The following AKAP8L variants were observed in gnomAD, a reference collection of about 807,000 sequenced individuals.
The protein encoded by AKAP8L is A-kinase anchoring protein 8 like.
In AKAP8L, 34 loss-of-function variants were observed where a neutral mutation model predicts 77.5. That is an observed-to-expected ratio of 0.44 (90% confidence interval 0.33 to 0.58). The LOEUF (loss-of-function observed/expected upper bound fraction) is 0.58, where lower values mean the gene tolerates loss of function less well. Ranked by LOEUF, AKAP8L falls within the 20% of genes least tolerant of loss-of-function variation. The probability of loss-of-function intolerance (pLI) is 0.02; values close to 1 mark genes in which losing one functional copy is unlikely to be tolerated. For synonymous variants in AKAP8L, 342 were observed against 340.7 expected (o/e 1.00, Z -0.04); for missense variants, 806 against 887.6 (o/e 0.91, Z 1.17).
chr19:15,397,635 A>G lies in AKAP8L; in HGVS notation c.1300-10T>C. 6.2e-7 allele frequency: 1 copy of G among 1,613,872 alleles called. No individual in the cohort carries two copies. Among genetic ancestry groups the G allele is most frequent in the Non-Finnish European group, 8.5e-7 (1 of 1,179,822 alleles). ...TGTTAGTGACGTACTCCTGCAAGGA[A>G]TATAAAGGTTCATGTGGGCCGCCTT... On this transcript the variant is annotated splice_polypyrimidine_tract_variant and intron_variant, in intron 10 of 13. Coordinates refer to ENST00000397410, the MANE Select transcript of AKAP8L (RefSeq NM_014371.4). This position sits in a 1 kb window ranked among gnomAD's most constrained non-coding sequence, Gnocchi z 4.7.
intron 2 of AKAP8L, among the ~76,000 whole-genome samples, chr19:15,409,101 T>C (rs573023606): frequency 3.3e-5 from 5 of 152,218 alleles, no homozygotes; most frequent in African/African-American, 9.6e-5. Flanking sequence ...ATTTCTTAGA[T>C]ATAAAAGCAA....
At position 15,399,472 on chromosome 19, in the gene AKAP8L, G is replaced by T; in HGVS notation, c.1049-62C>A. On this transcript the variant is annotated intron_variant, in intron 8 of 13. Coordinates refer to ENST00000397410, the MANE Select transcript of AKAP8L (RefSeq NM_014371.4). The surrounding 1 kb of genome is among the most constrained non-coding windows in gnomAD (Gnocchi z 6.1). ...CTGCCAGGACAGGGCAGGCCCTGCG[G>T]CCTCTGGCTGAATCACCCACTGTCC... is the stretch of plus-strand genomic sequence containing the variant. 7.9e-7 allele frequency: 1 copy of T among 1,267,720 alleles called. No homozygotes were observed. 78.5% of individuals were successfully genotyped at this position (1,267,720 alleles called of 1,614,324 possible).
intron 1 of AKAP8L, among the ~76,000 whole-genome samples, chr19:15,413,505 A>G (rs1036073288): frequency 3.9e-5 from 6 of 152,162 alleles, no homozygotes; most frequent in Non-Finnish European, 5.9e-5. Flanking sequence ...CCAGTCTTCT[A>G]CCTTCCCTAA....
In AKAP8L at chr19:15,401,248, C is replaced by G; in HGVS notation, c.718G>C (p.Gly240Arg). 6.2e-7 allele frequency: 1 copy of G among 1,613,768 alleles called. No individual in the cohort carries two copies. The highest frequency in any genetic ancestry group is 8.5e-7 in the Non-Finnish European group (1 of 1,179,806). Residue 240 changes from glycine to arginine, a missense_variant, in exon 5 of 14, where the codon GGC (glycine) becomes CGC (arginine). Coordinates refer to ENST00000397410, the MANE Select transcript of AKAP8L (RefSeq NM_014371.4). The surrounding 1 kb of genome is among the most constrained non-coding windows in gnomAD (Gnocchi z 6.2). ...AAGCGGGAGCCGCCCGGGAAGGCGCCCCCACCTCGCATGCCCTGGAACATG... is the reference window on the plus strand; with the variant it reads ...AAGCGGGAGCCGCCCGGGAAGGCGCGCCCACCTCGCATGCCCTGGAACATG... ...YGMFQGMRGG[G>R]AFPGGSRFGF...
At chr19:15,389,749 C>T (rs1967621200) in intron 12 of AKAP8L, among the ~76,000 whole-genome samples, 1 of 152,126 alleles carries the variant, frequency 6.6e-6, no homozygotes, top group Admixed American at 6.5e-5. Context: ...CCAGCCTGGC[C>T]ACAGACCAAG....
chr19:15,397,365 T>C lies in AKAP8L; in HGVS notation c.1406-85A>G. The C allele has an allele frequency of 6.5e-7, 1 of 1,543,588 alleles. No homozygotes were observed. Among genetic ancestry groups the C allele is most frequent in the Non-Finnish European group, 8.8e-7 (1 of 1,134,564 alleles). ...TCGAGAAAAAAACCACACCAGCTCC[T>C]CCTCAACTCGCCCTGCCACTTCCAC... is the stretch of plus-strand genomic sequence containing the variant. On this transcript the variant is annotated intron_variant, in intron 11 of 13. Coordinates refer to ENST00000397410, the MANE Select transcript of AKAP8L (RefSeq NM_014371.4). This position sits in a 1 kb window ranked among gnomAD's most constrained non-coding sequence, Gnocchi z 4.7.
At chr19:15,408,424 G>A (rs1163782668) in intron 2 of AKAP8L, among the ~76,000 whole-genome samples, 2 of 152,000 alleles carry the variant, frequency 1.3e-5, no homozygotes, top group African/African-American at 2.4e-5. Context: ...TTAGCCAGGC[G>A]TGGTGGCACA....
chr19:15,413,911 C>T (rs866576050), intron 1 of AKAP8L, among the ~76,000 whole-genome samples: 2 of 152,180 alleles, frequency 1.3e-5, no homozygotes, highest in Non-Finnish European at 2.9e-5. Flanking sequence ...GAAGGAAAGA[C>T]GATCCATCAA....
intron 8 of AKAP8L, 90 bp downstream of exon 8, chr19:15,400,205 G>T: frequency 7.2e-7 from 1 of 1,394,428 alleles, no homozygotes; most frequent in Non-Finnish European, 1.0e-6. Flanking sequence ...CTGGCCGCAT[G>T]TCTGCCGCAA....
chr19:15,400,290 C>CTG lies in AKAP8L; in HGVS notation c.1048+4_1048+5insCA. ...CCTAGCACCAGGCACCCCAGGAAAA[C>CTG]TCACCCTTCTCTGGATCCTCTTTGC... On this transcript the variant is annotated splice_donor_region_variant and intron_variant, in intron 8 of 13. Transcript: ENST00000397410. 6.3e-7 allele frequency: 1 copy of CTG among 1,593,138 alleles called. No individual in the cohort carries two copies.
At chr19:15,412,283 G>A (rs1051511050) in intron 1 of AKAP8L, among the ~76,000 whole-genome samples, 6 of 152,218 alleles carry the variant, frequency 3.9e-5, no homozygotes, top group African/African-American at 1.4e-4. Context: ...TTGGGAGGGT[G>A]AGGCAGAAGA....
intron 12 of AKAP8L, among the ~76,000 whole-genome samples, chr19:15,393,117 T>G (rs1169943926): frequency 1.3e-5 from 2 of 152,002 alleles, no homozygotes; most frequent in Non-Finnish European, 2.9e-5. Flanking sequence ...TTTCAAATGG[T>G]GCCGGAACAA....
At position 15,397,492 on chromosome 19, in the gene AKAP8L, GGTGGGA is replaced by G. The variant is rs754382764; in HGVS notation, c.1405+22_1405+27del. 8.2e-6 allele frequency: 13 copies of G among 1,589,958 alleles called. No homozygotes were observed. The African/African-American group carries it at 1.7e-4, about 21-fold the overall frequency. Reference sequence around the variant, plus strand: ...AGGAGTGCAGGCTGAGGCCTTGCCTGGTGGGAGTGGGCTGAAAATCTCCTCACCCTG... The same window carrying G: ...AGGAGTGCAGGCTGAGGCCTTGCCTGGTGGGCTGAAAATCTCCTCACCCTG... On this transcript the variant is annotated intron_variant, in intron 11 of 13. Transcript: ENST00000397410. This position sits in a 1 kb window ranked among gnomAD's most constrained non-coding sequence, Gnocchi z 4.7.
rs144454522 is a variant in AKAP8L at position 15,413,412 on chromosome 19, C to A, written c.14-2818G>T. On this transcript the variant is annotated intron_variant, in intron 1 of 13. Transcript: ENST00000397410. ...CATCTAGCTCCAAGGGTTCCAAAGACGGAGCTGTGAACCCAGCTTCATCTT... is the reference window on the plus strand; with the variant it reads ...CATCTAGCTCCAAGGGTTCCAAAGAAGGAGCTGTGAACCCAGCTTCATCTT... 1.5e-3 allele frequency among the ~76,000 whole-genome samples: 225 copies of A among 152,268 alleles called. 2 individuals carry two copies. The highest frequency in any genetic ancestry group is 5.4e-3 in the African/African-American group (223 of 41,544).
In AKAP8L at chr19:15,399,026, G is replaced by A. The variant is rs1426030205; in HGVS notation, c.1157+276C>T. The A allele has an allele frequency of 3.4e-5, 16 of 470,428 alleles. No individual in the cohort carries two copies. The highest frequency in any genetic ancestry group is 2.7e-4 in the Admixed American group (8 of 29,502). The allele number at this position is 470,428 out of a possible 1,614,324, so 29.1% of individuals were successfully genotyped here. ...CAGTGCACCTTGGGGTTCGTGCGCCGAGTGACCTAGCGCCAGAGCTTCTGA... is the reference window on the plus strand; with the variant it reads ...CAGTGCACCTTGGGGTTCGTGCGCCAAGTGACCTAGCGCCAGAGCTTCTGA... On this transcript the variant is annotated intron_variant, in intron 9 of 13. Transcript: ENST00000397410. The surrounding 1 kb of genome is among the most constrained non-coding windows in gnomAD (Gnocchi z 6.1).
intron 2 of AKAP8L, chr19:15,404,247 T>C: frequency 1.7e-6 from 1 of 586,940 alleles, no homozygotes; most frequent in South Asian, 2.1e-5. Context: ...TCTGAGCATC[T>C]GTTATTTAAG....
intron 8 of AKAP8L, 173 bp downstream of exon 8, chr19:15,400,122 G>A: frequency 1.6e-6 from 1 of 644,004 alleles, no homozygotes; most frequent in Non-Finnish European, 2.7e-6. Flanking sequence ...GAGGAAGAGT[G>A]GGAAGGGGGT....
At position 15,403,985 on chromosome 19, in the gene AKAP8L, C is replaced by G. The variant is rs1967951232; in HGVS notation, c.121+25G>C. The G allele has an allele frequency of 1.2e-6, 2 of 1,613,418 alleles. No individual in the cohort carries two copies. The highest frequency in any genetic ancestry group is 1.3e-5 in the African/African-American group (1 of 75,024). On this transcript the variant is annotated intron_variant, in intron 3 of 13. Coordinates refer to ENST00000397410, the MANE Select transcript of AKAP8L (RefSeq NM_014371.4). The surrounding 1 kb of genome is among the most constrained non-coding windows in gnomAD (Gnocchi z 4.3). ...GCCAGGACAACCCCAAGGGACAGGA[C>G]AGCAATCACAGGAATGACACTTGCC...
rs1359707500 is a variant in AKAP8L, at chr19:15,404,015, T to C, written c.116A>G (p.Asn39Ser). The C allele has an allele frequency of 6.2e-7, 1 of 1,613,900 alleles. No individual in the cohort carries two copies. Residue 39 changes from asparagine (N) to serine (S), a missense_variant, in exon 3 of 14, where the codon AAT (asparagine) becomes AGT (serine). Asn to Ser is a conservative substitution (Grantham distance 46, BLOSUM62 1). Around this residue, in one of 2 missense-constraint regions of AKAP8L, gnomAD observed 580 missense variants for 694.1 expected, o/e 0.84. Transcript: ENST00000397410. ...ATCACAGGAATGACACTTGCCTCTA[T>C]TTGTCCCAGAGTTCCAAGTTCCATA... is the stretch of plus-strand genomic sequence containing the variant. Reference protein sequence around the residue: ...YGYGTWNSGTNRGYEGYGYGY... With the variant: ...YGYGTWNSGTSRGYEGYGYGY...
Sources: allele counts gnomAD v4.1 joint callset (sites outside exome capture counted in the v4.1 genomes callset), GRCh38; gene constraint gnomAD v4.1.1; regional missense constraint gnomAD v4.1.1; non-coding constraint Gnocchi (gnomAD v3.1); transcripts MANE v1.5; gene names NCBI Gene and HGNC (gene_info 2026-07-23, HGNC 2026-07-21).